FLNB: variants seen among roughly 807,000 people sequenced by gnomAD.
FLNB encodes the protein filamin-B.
Under a neutral mutation model 250.6 loss-of-function variants are expected in FLNB, and 111 were observed. That is an observed-to-expected ratio of 0.44 (90% CI 0.38 to 0.52). The LOEUF (loss-of-function observed/expected upper bound fraction) is 0.52, where lower values mean the gene tolerates loss of function less well. FLNB is among the 20% of genes least tolerant of loss of function. The pLI, the probability that FLNB is intolerant of heterozygous loss-of-function variation, is 0.00. For synonymous variants in FLNB, 1,302 were observed against 1,372.1 expected (o/e 0.95, Z 1.13); for missense variants, 2,869 against 3,447.8 (o/e 0.83, Z 4.20).
rs775301671 is a variant in FLNB, at chr3:58,141,883, T to C, written c.5135T>C (p.Val1712Ala). ...GCCACAGATGGGGAAGTCACAGCCG[T>C]GGAGGAGGCACCGGTAAATGCATGT... is the stretch of plus-strand genomic sequence containing the variant. ...VMATDGEVTA[V>A]EEAPVNACPP... The change falls in exon 30 of 46, where the codon GTG becomes GCG. Residue 1712 changes from valine (V) to alanine (A), a missense_variant. Val to Ala is a moderately conservative substitution (Grantham distance 64). Coordinates refer to ENST00000295956, the MANE Select transcript of FLNB (RefSeq NM_001457.4). 7 of 1,614,202 alleles carry C rather than the reference T, an allele frequency of 4.3e-6. No individual in the cohort carries two copies. The South Asian group carries it at 7.7e-5, about 18-fold the overall frequency.
chr3:58,125,006 G>A (rs1257968770), intron 22 of FLNB, among the ~76,000 whole-genome samples: 5 of 152,146 alleles, frequency 3.3e-5, no homozygotes, highest in African/African-American at 4.8e-5. Context: ...GTGTTTTCCC[G>A]AATGAGAGTA....
At chr3:58,103,050 C>T (rs1017246536) in intron 9 of FLNB, among the ~76,000 whole-genome samples, 2 of 152,178 alleles carry the variant, frequency 1.3e-5, no homozygotes, top group Non-Finnish European at 2.9e-5. Context: ...GAATCTTGAG[C>T]TTCCTGTACC....
chr3:58,147,860 A>G (rs1012918669), intron 34 of FLNB, among the ~76,000 whole-genome samples: 4 of 152,158 alleles, frequency 2.6e-5, no homozygotes, highest in African/African-American at 7.2e-5. Flanking sequence ...AAGTTTCACC[A>G]TGTTGGACAG....
Position 58,138,310 on chromosome 3 carries a change from TG to T in FLNB, c.4892del (p.Gly1631AlafsTer4). ...CTGGAATCGCCTCCACTGTGAAAAC[TG>T]GCGAAGAAGTAGGCTTTGTGGTTGA... ...GPGIASTVKT[G>X]EEVGFVVDAK... On this transcript the variant is annotated frameshift_variant, in exon 29 of 46. Transcript: ENST00000295956. LOFTEE classifies it high-confidence loss of function. 6.2e-7 allele frequency: 1 copy of T among 1,614,160 alleles called. No homozygotes were observed. The highest frequency in any genetic ancestry group is 8.5e-7 in the Non-Finnish European group (1 of 1,180,042).
intron 1 of FLNB, among the ~76,000 whole-genome samples, chr3:58,055,510 C>T (rs2097169146): frequency 6.6e-6 from 1 of 152,150 alleles, no homozygotes; most frequent in Non-Finnish European, 1.5e-5. Context: ...TTCCATTAAT[C>T]TGTGTCTCAT....
chr3:58,073,625 T>C (rs1030427916), intron 1 of FLNB, among the ~76,000 whole-genome samples: 1 of 151,896 alleles, frequency 6.6e-6, no homozygotes, highest in African/African-American at 2.4e-5. Context: ...ACAACACTTA[T>C]TCATTGTCTC....
At chr3:58,154,307 C>T (rs972188662) in intron 39 of FLNB, among the ~76,000 whole-genome samples, 1 of 152,156 alleles carries the variant, frequency 6.6e-6, no homozygotes, top group African/African-American at 2.4e-5. Context: ...CTTTGCAAGG[C>T]CGAGGCAGGC....
At chr3:58,145,489 C>T (rs1370023880) in intron 32 of FLNB, among the ~76,000 whole-genome samples, 1 of 152,100 alleles carries the variant, frequency 6.6e-6, no homozygotes, top group Non-Finnish European at 1.5e-5. Context: ...GGCTAGGAGT[C>T]GGGGTGGGCA....
At chr3:58,129,006 C>A (rs1265111741) in intron 24 of FLNB, among the ~76,000 whole-genome samples, 2 of 152,156 alleles carry the variant, frequency 1.3e-5, no homozygotes, top group African/African-American at 4.8e-5. Flanking sequence ...CATCAGGCTT[C>A]TTAGCTAAGG....
Position 58,110,969 on chromosome 3 carries a change from C to T in FLNB, c.2484+799C>T, listed in dbSNP as rs2097267655. Reference sequence around the variant, plus strand: ...CAACCAAGAAGGAAAAAAAATTTACCCAGAGCTAAATTATTACCACTTTCT... The same window carrying T: ...CAACCAAGAAGGAAAAAAAATTTACTCAGAGCTAAATTATTACCACTTTCT... On this transcript the variant is annotated intron_variant, in intron 16 of 45. Coordinates refer to ENST00000295956, the MANE Select transcript of FLNB (RefSeq NM_001457.4). 2.0e-5 allele frequency among the ~76,000 whole-genome samples: 3 copies of T among 152,206 alleles called. No individual in the cohort carries two copies. The South Asian group carries it at 6.2e-4, about 32-fold the overall frequency.
chr3:58,132,467 C>T, intron 25 of FLNB: 1 of 432,362 alleles, frequency 2.3e-6, no homozygotes, highest in Non-Finnish European at 4.3e-6. Context: ...CTAAGCGTGC[C>T]TAACCAGCTT....
intron 34 of FLNB, among the ~76,000 whole-genome samples, chr3:58,147,307 G>A (rs935781450): frequency 2.0e-5 from 3 of 152,242 alleles, no homozygotes; most frequent in Non-Finnish European, 4.4e-5. Context: ...TGCATGAAGT[G>A]CATGAGCTTA....
intron 1 of FLNB, among the ~76,000 whole-genome samples, chr3:58,051,842 G>A (rs1216163462): frequency 6.6e-6 from 1 of 152,148 alleles, no homozygotes; most frequent in Non-Finnish European, 1.5e-5. Flanking sequence ...ACCCTGACCT[G>A]TTGGAGAGTT....
intron 1 of FLNB, among the ~76,000 whole-genome samples, chr3:58,060,109 C>T (rs1198207767): frequency 6.6e-6 from 1 of 152,244 alleles, no homozygotes; most frequent in African/African-American, 2.4e-5. Context: ...TCACCTCTCA[C>T]TGGGAGGTCG....
rs116151871 is a variant in FLNB at position 58,041,825 on chromosome 3, C to T, written c.292+32969C>T. ...TGGGCTTCCCTTAGGAGGGAAGCTT[C>T]CCGAGCAGCTTGTCTTGACTGTAGC... On this transcript the variant is annotated intron_variant, in intron 1 of 45. Coordinates refer to ENST00000295956, the MANE Select transcript of FLNB (RefSeq NM_001457.4). Among the ~76,000 whole-genome samples, 819 of 152,210 alleles carry T rather than the reference C, an allele frequency of 5.4e-3. 8 individuals carry two copies. The highest frequency in any genetic ancestry group is 0.019 in the African/African-American group (778 of 41,524).
intron 1 of FLNB, among the ~76,000 whole-genome samples, chr3:58,047,157 C>G (rs1166245364): frequency 6.6e-6 from 1 of 152,192 alleles, no homozygotes; most frequent in East Asian, 1.9e-4. Context: ...AATGTTTTGA[C>G]ACCAAAGAGA....
chr3:58,094,979 C>T, intron 5 of FLNB, 25 bp downstream of exon 5: 1 of 1,540,810 alleles, frequency 6.5e-7, no homozygotes, highest in Non-Finnish European at 9.0e-7. Flanking sequence ...GCTGCCTCTC[C>T]TTTCCAGCAC....
In FLNB at chr3:58,081,622, AT is replaced by A. The variant is rs1416784120; in HGVS notation, c.640-6del. ...CTGGGTGTTCATCCACCATGTCATT[AT>A]CCTAGGTCATCACTCCTGAAGAAAT... On this transcript the variant is annotated splice_region_variant and splice_polypyrimidine_tract_variant and intron_variant, in intron 3 of 45. Coordinates refer to ENST00000295956, the MANE Select transcript of FLNB (RefSeq NM_001457.4). The A allele has an allele frequency of 3.7e-6, 6 of 1,613,818 alleles. No individual in the cohort carries two copies. The Admixed American group carries it at 5.0e-5, about 13-fold the overall frequency.
At chr3:58,038,469 C>T (rs1360422236) in intron 1 of FLNB, among the ~76,000 whole-genome samples, 2 of 149,494 alleles carry the variant, frequency 1.3e-5, no homozygotes, top group South Asian at 2.1e-4. Context: ...TTGGGGGTCT[C>T]GCTCTGTTGC....
Sources: gnomAD v4.1 joint callset for allele counts (sites outside exome capture counted in the v4.1 genomes callset) on GRCh38, gnomAD v4.1.1 for gene constraint, MANE v1.5 for transcripts, NCBI Gene and HGNC (gene_info 2026-07-23, HGNC 2026-07-21) for gene names.